SETBP1: variants seen among roughly 807,000 people sequenced by gnomAD.
SETBP1 encodes the protein SET binding protein 1.
Under a neutral mutation model 101.0 loss-of-function variants are expected in SETBP1, and 9 were observed. That is an observed-to-expected ratio of 0.09 (90% CI 0.05 to 0.16). SETBP1 has a LOEUF of 0.16. Ranked by LOEUF, SETBP1 falls within the 10% of genes least tolerant of loss-of-function variation. SETBP1 has a pLI of 1.00. For missense variants in SETBP1, 1,858 were observed against 2,033.8 expected (o/e 0.91, Z 1.66); for synonymous variants, 818 against 788.5 (o/e 1.04, Z -0.63).
chr18:44,858,889 C>G (rs2073025350), intron 2 of SETBP1, among the ~76,000 whole-genome samples: 1 of 152,056 alleles, frequency 6.6e-6, no homozygotes, highest in Non-Finnish European at 1.5e-5. Context: ...GTAATAATTG[C>G]CCACCTATAT....
intron 4 of SETBP1, among the ~76,000 whole-genome samples, chr18:44,994,456 T>C (rs2072448375): frequency 6.6e-6 from 1 of 152,144 alleles, no homozygotes; most frequent in African/African-American, 2.4e-5. Context: ...GACACAAAAA[T>C]TTTGAAAAAC....
intron 3 of SETBP1, among the ~76,000 whole-genome samples, chr18:44,941,077 C>CTTTTTTTTTTTTTT (rs71177660): frequency 1.3e-5 from 1 of 74,876 alleles, no homozygotes; most frequent in Non-Finnish European, 2.4e-5. Context: ...AGAAGTCAGA[C>CTTTTTTTTTTTTTT]TTTTTTTTTT....
At chr18:44,760,751 A>G (rs1193192423) in intron 2 of SETBP1, among the ~76,000 whole-genome samples, 1 of 152,242 alleles carries the variant, frequency 6.6e-6, no homozygotes, top group Non-Finnish European at 1.5e-5. Context: ...GTATGGAAAT[A>G]GAGGGAGGTG....
At chr18:44,958,619 A>G (rs547897139) in intron 4 of SETBP1, among the ~76,000 whole-genome samples, 1 of 152,284 alleles carries the variant, frequency 6.6e-6, no homozygotes, top group African/African-American at 2.4e-5. Flanking sequence ...TGAAGAGCTC[A>G]GACTGGGAAG....
chr18:44,874,661 AT>A (rs1266473971), intron 3 of SETBP1, among the ~76,000 whole-genome samples: 1 of 152,348 alleles, frequency 6.6e-6, no homozygotes, highest in Admixed American at 6.5e-5. Context: ...TGCAGTGTTC[AT>A]TCCTGGAGGA....
intron 4 of SETBP1, among the ~76,000 whole-genome samples, chr18:44,982,249 A>G (rs2072130631): frequency 1.3e-5 from 2 of 152,224 alleles, no homozygotes; most frequent in African/African-American, 2.4e-5. Context: ...AAATGCGCAC[A>G]AGCAAAAAGC....
chr18:45,023,055 G>C (rs1221197950), intron 4 of SETBP1, among the ~76,000 whole-genome samples: 1 of 152,128 alleles, frequency 6.6e-6, no homozygotes, highest in Non-Finnish European at 1.5e-5. Context: ...TGAACACTGA[G>C]AATGGGCTCA....
At chr18:45,000,145 G>C (rs529649463) in intron 4 of SETBP1, among the ~76,000 whole-genome samples, 2 of 152,318 alleles carry the variant, frequency 1.3e-5, no homozygotes, top group Admixed American at 1.3e-4. Context: ...TGTTTAAGAG[G>C]GATATGATTT....
intron 3 of SETBP1, among the ~76,000 whole-genome samples, chr18:44,930,924 G>A (rs1217045252): frequency 6.7e-6 from 1 of 149,132 alleles, no homozygotes; most frequent in Non-Finnish European, 1.5e-5. Flanking sequence ...AGAGTTTTTT[G>A]TGTCTCTATC....
At chr18:44,744,772 AAAAAAAAAAAC>A (rs2070192538) in intron 2 of SETBP1, among the ~76,000 whole-genome samples, 2 of 133,350 alleles carry the variant, frequency 1.5e-5, no homozygotes, top group Non-Finnish European at 3.4e-5. Context: ...CTCCTCTTAA[AAAAAAAAAAAC>A]AAAAAAAAAA....
At chr18:44,884,142 AT>A (rs1345118068) in intron 3 of SETBP1, among the ~76,000 whole-genome samples, 1 of 152,102 alleles carries the variant, frequency 6.6e-6, no homozygotes, top group Non-Finnish European at 1.5e-5. Flanking sequence ...AGACTAGAGG[AT>A]TTTCTGCAGG....
At chr18:44,912,256 A>G (rs1358094114) in intron 3 of SETBP1, among the ~76,000 whole-genome samples, 1 of 152,184 alleles carries the variant, frequency 6.6e-6, no homozygotes, top group African/African-American at 2.4e-5. Context: ...AAGGCATATA[A>G]TGATAGCTCA....
At chr18:44,865,022 C>T (rs2069098790) in intron 2 of SETBP1, among the ~76,000 whole-genome samples, 1 of 152,074 alleles carries the variant, frequency 6.6e-6, no homozygotes. Context: ...CCTCAATTTC[C>T]CCTGGATTTC....
intron 5 of SETBP1, among the ~76,000 whole-genome samples, chr18:45,040,227 G>T (rs4890507): frequency 6.6e-6 from 1 of 152,002 alleles, no homozygotes; most frequent in Admixed American, 6.5e-5. Context: ...TGGTGGAATG[G>T]CCAGGTAAAT....
chr18:44,774,656 G>A (rs1046418686), intron 2 of SETBP1, among the ~76,000 whole-genome samples: 4 of 152,100 alleles, frequency 2.6e-5, no homozygotes, highest in Non-Finnish European at 4.4e-5. Context: ...AGAGTTGGAG[G>A]TCACTTGTGA....
chr18:45,000,315 G>C (rs1422763696), intron 4 of SETBP1, among the ~76,000 whole-genome samples: 1 of 152,214 alleles, frequency 6.6e-6, no homozygotes, highest in Non-Finnish European at 1.5e-5. Context: ...GGCAGAGGTA[G>C]GGTCACAAGG....
chr18:44,805,945 G>C lies in SETBP1; in HGVS notation c.487-63285G>C, dbSNP rs2071722728. On this transcript the variant is annotated intron_variant, in intron 2 of 5. Coordinates refer to ENST00000649279, the MANE Select transcript of SETBP1 (RefSeq NM_015559.3). ...GTTCTATGCTAAATTATAGGTGTCT[G>C]AACTAAATTTCAGGGGAGAAGTCTG... 2.6e-5 allele frequency among the ~76,000 whole-genome samples: 4 copies of C among 152,286 alleles called. 1 individual carries two copies. The South Asian group carries it at 8.3e-4, about 32-fold the overall frequency.
chr18:44,939,386 T>C (rs1315965203), intron 3 of SETBP1, among the ~76,000 whole-genome samples: 10 of 152,074 alleles, frequency 6.6e-5, no homozygotes, highest in African/African-American at 2.4e-4. Context: ...TCAGCATGAT[T>C]ATGTGTATGT....
chr18:44,686,276 A>T (rs929767384), intron 1 of SETBP1, among the ~76,000 whole-genome samples: 4 of 152,208 alleles, frequency 2.6e-5, no homozygotes, highest in Non-Finnish European at 1.5e-5. Context: ...GGCACCTTGC[A>T]GTGTTCTCGA....
Sources: allele counts gnomAD v4.1 joint callset (sites outside exome capture counted in the v4.1 genomes callset), GRCh38; gene constraint gnomAD v4.1.1; transcripts MANE v1.5; gene names NCBI Gene and HGNC (gene_info 2026-07-23, HGNC 2026-07-21).